Variants in SHROOM2 observed in about 807,000 individuals in gnomAD.
SHROOM2 encodes the protein protein Shroom2.
In SHROOM2, 33 loss-of-function variants were observed where a neutral mutation model predicts 75.9. The ratio of observed to expected loss-of-function variants is 0.43; its 90% CI spans 0.33 to 0.58. SHROOM2 has a LOEUF of 0.58. SHROOM2 is among the 20% of genes least tolerant of loss of function. The pLI, the probability that SHROOM2 is intolerant of heterozygous loss-of-function variation, is 0.04. For missense variants in SHROOM2, 1,434 were observed against 1,461.2 expected (o/e 0.98, Z 0.30); for synonymous variants, 655 against 663.6 (o/e 0.99, Z 0.20).
intron 1 of SHROOM2, among the ~76,000 whole-genome samples, chrX:9,805,860 C>T (rs1392763144): frequency 9.5e-6 from 1 of 105,414 alleles, no homozygotes. Context: ...GCTGAGATCA[C>T]GCCGTTGCAC....
Position 9,797,878 on chromosome X carries a change from CCTTT to C in SHROOM2, c.165+11173_165+11176del, listed in dbSNP as rs778287419. ...TGGACCTTCCTCCTGGTGGTGGTGTCCTTTCTTTAACTGCCTTGGTTAAAATGCA... is the reference window on the plus strand; with the variant it reads ...TGGACCTTCCTCCTGGTGGTGGTGTCCTTTAACTGCCTTGGTTAAAATGCA... On this transcript the variant is annotated intron_variant, in intron 1 of 9. Coordinates refer to ENST00000380913, the MANE Select transcript of SHROOM2 (RefSeq NM_001649.4). 2.8e-4 allele frequency among the ~76,000 whole-genome samples: 31 copies of C among 112,007 alleles called. No homozygotes were observed. The South Asian group carries it at 6.8e-3, about 24-fold the overall frequency.
chrX:9,794,829 T>C (rs1335540614), intron 1 of SHROOM2, among the ~76,000 whole-genome samples: 2 of 112,201 alleles, frequency 1.8e-5, no homozygotes, highest in Non-Finnish European at 3.8e-5. Flanking sequence ...CCTTGATTCA[T>C]CCCTCAAACC....
At position 9,816,280 on chromosome X, in the gene SHROOM2, C is replaced by T. The variant is rs775751844; in HGVS notation, c.165+29570C>T. ...CTGAGTATTTTCCTTGTGTTTCAAG[C>T]TTTTTAACCTCAGTGCCCCAGGCAT... On this transcript the variant is annotated intron_variant, in intron 1 of 9. Transcript: ENST00000380913. 1.6e-3 allele frequency among the ~76,000 whole-genome samples: 176 copies of T among 112,544 alleles called. 1 individual carries two copies. The highest frequency in any genetic ancestry group is 9.2e-3 in the Middle Eastern group (2 of 218).
At position 9,941,366 on chromosome X, in the gene SHROOM2, A is replaced by C. The variant is rs1386382907; in HGVS notation, c.4311+2000A>C. On this transcript the variant is annotated intron_variant, in intron 8 of 9. Coordinates refer to ENST00000380913, the MANE Select transcript of SHROOM2 (RefSeq NM_001649.4). ...ATGGGCCTGCCAGACAGTATGGACC[A>C]CAGTGGTGAGCCCTTCAGCACCCTG... Among the ~76,000 whole-genome samples the C allele has an allele frequency of 5.3e-5, 6 of 112,240 alleles. No homozygotes were observed. In the Admixed American group the frequency reaches 5.7e-4, roughly 11 times the overall value.
In SHROOM2 at chrX:9,865,805, C is replaced by T. The variant is rs999604504; in HGVS notation, c.166-7847C>T. Among the ~76,000 whole-genome samples the T allele has an allele frequency of 5.5e-5, 6 of 110,037 alleles. 1 individual carries two copies. Among genetic ancestry groups the T allele is most frequent in the Non-Finnish European group, 1.1e-4 (6 of 52,796 alleles). On this transcript the variant is annotated intron_variant, in intron 1 of 9. Transcript: ENST00000380913. Reference sequence around the variant, plus strand: ...TCGATCTCCTGACCTCATGATTCGCCCACCTCACCCTCCCAAAGTGCTGAG... The same window carrying T: ...TCGATCTCCTGACCTCATGATTCGCTCACCTCACCCTCCCAAAGTGCTGAG...
At chrX:9,859,917 C>T (rs915562051) in intron 1 of SHROOM2, among the ~76,000 whole-genome samples, 13 of 111,570 alleles carry the variant, frequency 1.2e-4, no homozygotes, top group African/African-American at 2.6e-4. Flanking sequence ...TGTTTCCTGC[C>T]GTGGTAAATG....
intron 1 of SHROOM2, among the ~76,000 whole-genome samples, chrX:9,787,777 G>A (rs2083623228): frequency 9.0e-6 from 1 of 111,461 alleles, no homozygotes; most frequent in Non-Finnish European, 1.9e-5. Context: ...CTTTGTGGAG[G>A]GATTTGGAGA....
At chrX:9,823,657 G>A (rs1242091004) in intron 1 of SHROOM2, among the ~76,000 whole-genome samples, 3 of 111,264 alleles carry the variant, frequency 2.7e-5, no homozygotes, top group Non-Finnish European at 5.7e-5. Context: ...GGATCTATAC[G>A]AAGTCATTTT....
intron 4 of SHROOM2, among the ~76,000 whole-genome samples, chrX:9,897,062 T>C (rs989159600): frequency 8.9e-6 from 1 of 112,465 alleles, no homozygotes; most frequent in African/African-American, 3.2e-5. Flanking sequence ...GTGTGGTTTA[T>C]GTAAAAGCTT....
intron 1 of SHROOM2, among the ~76,000 whole-genome samples, chrX:9,822,765 G>A (rs2146750471): frequency 8.9e-6 from 1 of 111,866 alleles, no homozygotes; most frequent in East Asian, 2.8e-4. Context: ...CTCTGCCCAG[G>A]TGTGGCTAGG....
intron 1 of SHROOM2, among the ~76,000 whole-genome samples, chrX:9,811,599 C>T (rs1410883965): frequency 8.9e-6 from 1 of 112,216 alleles, no homozygotes; most frequent in African/African-American, 3.2e-5. Context: ...TATATAATCA[C>T]ACATCTGGCC....
At chrX:9,899,799 T>G (rs1186993900) in intron 5 of SHROOM2, among the ~76,000 whole-genome samples, 5 of 112,484 alleles carry the variant, frequency 4.4e-5, no homozygotes, top group Non-Finnish European at 9.4e-5. Flanking sequence ...GTAGGTCACG[T>G]GCCGAGCACC....
rs190602144 is a variant in SHROOM2, at chrX:9,872,858, C to T, written c.166-794C>T. Among the ~76,000 whole-genome samples the T allele has an allele frequency of 4.7e-4, 53 of 112,012 alleles. No homozygotes were observed. The East Asian group carries it at 5.9e-3, about 12-fold the overall frequency. On this transcript the variant is annotated intron_variant, in intron 1 of 9. Coordinates refer to ENST00000380913, the MANE Select transcript of SHROOM2 (RefSeq NM_001649.4). ...GTTGTTAAATGTAGTTATCATAGGGCGCAGCAGTTCCACTTTATAATAGCC... is the reference window on the plus strand; with the variant it reads ...GTTGTTAAATGTAGTTATCATAGGGTGCAGCAGTTCCACTTTATAATAGCC...
chrX:9,839,278 A>G (rs1284538270), intron 1 of SHROOM2, among the ~76,000 whole-genome samples: 4 of 110,202 alleles, frequency 3.6e-5, no homozygotes, highest in Non-Finnish European at 5.7e-5. Flanking sequence ...CAGGGCAGAG[A>G]CGCGTTTTTT....
At chrX:9,844,837 T>A (rs913008661) in intron 1 of SHROOM2, among the ~76,000 whole-genome samples, 1 of 110,707 alleles carries the variant, frequency 9.0e-6, no homozygotes, top group African/African-American at 3.3e-5. Flanking sequence ...ATAAATTAAT[T>A]AATTAATTTA....
At chrX:9,927,250 T>A (rs1254994970) in intron 5 of SHROOM2, among the ~76,000 whole-genome samples, 8 of 104,055 alleles carry the variant, frequency 7.7e-5, no homozygotes, top group Non-Finnish European at 1.6e-4. Context: ...GTCAGGAGAC[T>A]AAGGCAGGAG....
intron 1 of SHROOM2, among the ~76,000 whole-genome samples, chrX:9,848,527 A>AAAAAAAAAAAG (rs2084020072): frequency 9.8e-6 from 1 of 101,762 alleles, no homozygotes; most frequent in African/African-American, 3.5e-5. Context: ...AAAAAAAAAA[A>AAAAAAAAAAAG]AAAAGAAAAG....
At chrX:9,941,614 C>T (rs771344256) in intron 8 of SHROOM2, among the ~76,000 whole-genome samples, 2 of 111,824 alleles carry the variant, frequency 1.8e-5, no homozygotes, top group African/African-American at 3.2e-5. Flanking sequence ...GTTTTGAGGG[C>T]ACATGTTCAT....
At position 9,946,802 on chromosome X, in the gene SHROOM2, C is replaced by T. The variant is rs1409894325; in HGVS notation, c.4716C>T (p.Leu1572=). The T allele has an allele frequency of 3.3e-6, 4 of 1,204,191 alleles. No individual in the cohort carries two copies. Among genetic ancestry groups the T allele is most frequent in the South Asian group, 3.6e-5 (2 of 55,545 alleles). The change falls in exon 10 of 10, where the codon CTC becomes CTT. Residue 1572 remains leucine (L), a synonymous_variant. Transcript: ENST00000380913. ...CCAACTATCTGAGCGAGGAGAGCCT[C>T]GCGGACTATGAGCACTTCGTGAAGA... ...ILANYLSEES[L]ADYEHFVKMK...
Sources: gnomAD v4.1 joint callset for allele counts (sites outside exome capture counted in the v4.1 genomes callset) on GRCh38, gnomAD v4.1.1 for gene constraint, MANE v1.5 for transcripts, NCBI Gene and HGNC (gene_info 2026-07-23, HGNC 2026-07-21) for gene names.